The following NF1 variants were observed in gnomAD, a reference collection of about 807,000 sequenced individuals.
NF1 encodes neurofibromin 1, also known as neurofibromin.
A neutral mutation model predicts 325.7 loss-of-function variants in NF1; 122 were observed. The ratio of observed to expected loss-of-function variants is 0.37; its 90% CI spans 0.32 to 0.44. NF1 has a LOEUF of 0.44. Ranked by LOEUF, NF1 falls within the 20% of genes least tolerant of loss-of-function variation. The probability of loss-of-function intolerance (pLI) is 1.00; values close to 1 mark genes in which losing one functional copy is unlikely to be tolerated. For synonymous variants in NF1, 1,091 were observed against 1,186.0 expected (o/e 0.92, Z 1.65); for missense variants, 2,140 against 3,415.4 (o/e 0.63, Z 9.31).
intron 34 of NF1, 56 bp downstream of exon 34, chr17:31,260,571 T>C: frequency 6.3e-7 from 1 of 1,587,136 alleles, no homozygotes; most frequent in Non-Finnish European, 8.6e-7. Context: ...TTTAGATTAA[T>C]ACAATTATTG....
Position 31,126,080 on chromosome 17 carries a change from C to T in NF1, c.61-29903C>T, listed in dbSNP as rs572012554. ...GCATGCACCTGTAGTGCTAGCTACT[C>T]GGGAGGCTAAGGCAGGGGAATTGCT... On this transcript the variant is annotated intron_variant, in intron 1 of 57. Transcript: ENST00000358273. 3.9e-4 allele frequency among the ~76,000 whole-genome samples: 60 copies of T among 151,936 alleles called. No homozygotes were observed. In the South Asian group the frequency reaches 0.012, roughly 30 times the overall value.
chr17:31,374,432 T>G lies in NF1; in HGVS notation c.*277T>G. On this transcript the variant is annotated 3_prime_UTR_variant, in exon 58 of 58. Transcript: ENST00000358273. ...CAAAGAAAGTGGGAGGTCAGGAAAC[T>G]TTTAACTGAGAAATCTCAATTGTAA... 2.0e-6 allele frequency: 1 copy of G among 495,922 alleles called. No homozygotes were observed. Among genetic ancestry groups the G allele is most frequent in the Admixed American group, 3.3e-5 (1 of 30,360 alleles). 30.7% of individuals were successfully genotyped at this position (495,922 alleles called of 1,614,324 possible).
chr17:31,095,506 A>G (rs2143149631), intron 1 of NF1, 137 bp downstream of exon 1: 1 of 458,882 alleles, frequency 2.2e-6, no homozygotes, highest in Non-Finnish European at 3.7e-6. Flanking sequence ...AAGAGAAGGG[A>G]AGGGGGGATA....
chr17:31,240,266 ACT>A (rs2067273277), intron 29 of NF1, among the ~76,000 whole-genome samples: 3 of 149,732 alleles, frequency 2.0e-5, no homozygotes, highest in Admixed American at 2.0e-4. Flanking sequence ...CTATCATTCT[ACT>A]CTCTATCTCC....
chr17:31,314,180 A>G, intron 36 of NF1: 1 of 391,586 alleles, frequency 2.6e-6, no homozygotes, highest in Non-Finnish European at 4.5e-6. Context: ...TGACTAAGAA[A>G]TATATTACTT....
intron 8 of NF1, chr17:31,183,407 T>C (rs560719450): frequency 6.6e-6 from 1 of 152,430 alleles, no homozygotes; most frequent in African/African-American, 2.4e-5. Flanking sequence ...GAATGATTTA[T>C]TACTTTGTAG....
intron 47 of NF1, 121 bp from the exon 48 acceptor site, chr17:31,342,888 A>T: frequency 7.8e-7 from 1 of 1,279,008 alleles, no homozygotes. Flanking sequence ...AACTGAAAAT[A>T]ATTTCTCTCA....
chr17:31,146,374 C>G (rs1374448961), intron 1 of NF1, among the ~76,000 whole-genome samples: 2 of 152,088 alleles, frequency 1.3e-5, no homozygotes, highest in African/African-American at 4.8e-5. Context: ...ACCTTTGAAG[C>G]CCAACACATA....
intron 37 of NF1, 38 bp downstream of exon 37, chr17:31,326,290 T>G (rs751402760): frequency 6.3e-7 from 1 of 1,581,392 alleles, no homozygotes; most frequent in Admixed American, 1.7e-5. Flanking sequence ...GATTCATTGC[T>G]TTTCTTGACT....
At chr17:31,271,861 C>T (rs1317502019) in intron 36 of NF1, among the ~76,000 whole-genome samples, 1 of 151,820 alleles carries the variant, frequency 6.6e-6, no homozygotes, top group Non-Finnish European at 1.5e-5. Flanking sequence ...CACTGTTGCT[C>T]ACTCGCTCTC....
intron 48 of NF1, 135 bp downstream of exon 48, chr17:31,343,270 C>T (rs908763467): frequency 1.5e-5 from 13 of 848,544 alleles, no homozygotes; most frequent in East Asian, 2.7e-5. Flanking sequence ...CTAGGCCAGG[C>T]GTGGTGGCTC....
intron 46 of NF1, 52 bp downstream of exon 46, chr17:31,338,857 T>A: frequency 8.8e-7 from 1 of 1,130,614 alleles, no homozygotes; most frequent in South Asian, 1.3e-5. Flanking sequence ...CAGTGTTGAA[T>A]GTTACTTTCT....
Position 31,332,644 on chromosome 17 carries a change from T to G in NF1, c.5812+2146T>G, listed in dbSNP as rs1226005204. Among the ~76,000 whole-genome samples the G allele has an allele frequency of 4.8e-5, 2 of 41,494 alleles. 1 individual carries two copies. The highest frequency in any genetic ancestry group is 2.0e-4 in the Non-Finnish European group (2 of 10,254). 27.2% of individuals were successfully genotyped at this position (41,494 alleles called of 152,430 possible). On this transcript the variant is annotated intron_variant, in intron 39 of 57. Coordinates refer to ENST00000358273, the MANE Select transcript of NF1 (RefSeq NM_001042492.3). ...GCACATTGTGCAGGTTAGTTACATA[T>G]GTATACATGTGCCATGCTGGTGCGC...
intron 5 of NF1, among the ~76,000 whole-genome samples, chr17:31,171,275 A>G (rs930100029): frequency 3.3e-5 from 5 of 152,222 alleles, no homozygotes; most frequent in African/African-American, 1.2e-4. Context: ...ACATGTGGAC[A>G]GCAATTATTT....
intron 4 of NF1, among the ~76,000 whole-genome samples, chr17:31,167,179 A>T (rs1280497660): frequency 2.6e-5 from 4 of 152,152 alleles, no homozygotes; most frequent in Non-Finnish European, 5.9e-5. Context: ...AGAAGTTGGT[A>T]TTGCTGATCT....
At chr17:31,099,934 T>A (rs1912154711) in intron 1 of NF1, among the ~76,000 whole-genome samples, 2 of 151,780 alleles carry the variant, frequency 1.3e-5, no homozygotes, top group South Asian at 2.1e-4. Context: ...TCTCCCCTAG[T>A]TCTGTATGCC....
chr17:31,139,377 C>CACAG (rs2052475712), intron 1 of NF1, among the ~76,000 whole-genome samples: 1 of 105,876 alleles, frequency 9.4e-6, no homozygotes, highest in African/African-American at 6.6e-5. Flanking sequence ...TTTACACAGA[C>CACAG]ACACACACAC....
At chr17:31,301,891 T>C (rs1343369246) in intron 36 of NF1, among the ~76,000 whole-genome samples, 1 of 152,250 alleles carries the variant, frequency 6.6e-6, no homozygotes, top group African/African-American at 2.4e-5. Context: ...CCCTGTGCCT[T>C]ATTCTTTTGC....
At chr17:31,224,142 A>G (rs141734746) in intron 16 of NF1, among the ~76,000 whole-genome samples, 2 of 152,282 alleles carry the variant, frequency 1.3e-5, no homozygotes, top group Admixed American at 6.5e-5. Context: ...GATTCCTCCA[A>G]TAAGGGTTTC....
Sources: allele counts gnomAD v4.1 joint callset (sites outside exome capture counted in the v4.1 genomes callset), GRCh38; gene constraint gnomAD v4.1.1; transcripts MANE v1.5; gene names NCBI Gene and HGNC (gene_info 2026-07-23, HGNC 2026-07-21).